WDR93: variants seen among roughly 807,000 people sequenced by gnomAD.
WDR93 encodes the protein WD repeat-containing protein 93.
A neutral mutation model predicts 82.9 loss-of-function variants in WDR93; 73 were observed. The ratio of observed to expected loss-of-function variants is 0.88; its 90% CI spans 0.73 to 1.07. The LOEUF (loss-of-function observed/expected upper bound fraction) is 1.07, where lower values mean the gene tolerates loss of function less well. Ranked by LOEUF, WDR93 falls within the 50% of genes least tolerant of loss-of-function variation. The probability of loss-of-function intolerance (pLI) is 0.00; values close to 1 mark genes in which losing one functional copy is unlikely to be tolerated. For synonymous variants in WDR93, 283 were observed against 300.1 expected, an observed-to-expected ratio of 0.94 and a Z score of 0.59; for missense variants, 738 against 826.0, an observed-to-expected ratio of 0.89 and a Z score of 1.31.
At chr15:89,709,240 T>G (rs1330884418) in intron 4 of WDR93, among the ~76,000 whole-genome samples, 1 of 152,190 alleles carries the variant, frequency 6.6e-6, no homozygotes, top group East Asian at 1.9e-4. Context: ...CAGAAAATCC[T>G]AAACCCCACT....
rs749834493 is a variant in WDR93 at position 89,735,549 on chromosome 15, G to A, written c.1604G>A (p.Gly535Asp). ...CAVAPVPALP[G>D]MVLIFSKNGS... ...GTGGCCCCAGTCCCAGCCTTACCTGGCATGGTAGGTTCCCCATGCCTCTCT... is the reference window on the plus strand; with the variant it reads ...GTGGCCCCAGTCCCAGCCTTACCTGACATGGTAGGTTCCCCATGCCTCTCT... The change falls in exon 14 of 17, where the codon GGC becomes GAC. Residue 535 changes from glycine (G) to aspartate (D), a missense_variant. Coordinates refer to ENST00000268130, the MANE Select transcript of WDR93 (RefSeq NM_020212.2). 2 of 1,613,926 alleles carry A rather than the reference G, an allele frequency of 1.2e-6. No individual in the cohort carries two copies. The highest frequency in any genetic ancestry group is 2.7e-5 in the African/African-American group (2 of 74,910).
At chr15:89,708,374 C>T (rs755375463) in intron 4 of WDR93, among the ~76,000 whole-genome samples, 9 of 152,120 alleles carry the variant, frequency 5.9e-5, no homozygotes, top group Admixed American at 5.9e-4. Context: ...CCCTGAACAG[C>T]CCCACCTCCA....
chr15:89,690,511 A>T, upstream of WDR93: 1 of 1,215,946 alleles, frequency 8.2e-7, no homozygotes, highest in South Asian at 1.3e-5. Flanking sequence ...TCCCGGGTGC[A>T]GGGGAATAGG....
chr15:89,729,785 G>T lies in WDR93; in HGVS notation c.1210+16G>T. ...GATAAAGCTGGTACTTTACTGCTGA[G>T]ATGGGAGTCGCCTAAGCTCAGGACT... On this transcript the variant is annotated intron_variant, in intron 11 of 16. Transcript: ENST00000268130. 3.1e-6 allele frequency: 5 copies of T among 1,605,938 alleles called. No individual in the cohort carries two copies. In the South Asian group the frequency reaches 5.5e-5, roughly 18 times the overall value.
intron 1 of WDR93, among the ~76,000 whole-genome samples, chr15:89,700,522 A>C (rs955509455): frequency 1.3e-5 from 2 of 150,690 alleles, no homozygotes. Flanking sequence ...AAACTGTAAC[A>C]TATGAAAGCC....
At position 89,738,249 on chromosome 15, in the gene WDR93, G is replaced by A. The variant is rs761215363; in HGVS notation, c.1961+13G>A. On this transcript the variant is annotated intron_variant, in intron 16 of 16. Transcript: ENST00000268130. ...TCCTCCAGAAGAGGTAAAGAGCTCT[G>A]TGTCTTCACCCCCTCCCACATCTGA... 19 of 1,585,312 alleles carry A rather than the reference G, an allele frequency of 1.2e-5. No homozygotes were observed. Among genetic ancestry groups the A allele is most frequent in the Non-Finnish European group, 1.6e-5 (19 of 1,165,866 alleles).
intron 1 of WDR93, among the ~76,000 whole-genome samples, chr15:89,700,203 C>T (rs574011503): frequency 7.9e-5 from 12 of 152,114 alleles, no homozygotes; most frequent in Non-Finnish European, 1.8e-4. Context: ...CTACATAATC[C>T]CTGTGAATTA....
At chr15:89,700,435 A>G (rs2141592438) in intron 1 of WDR93, among the ~76,000 whole-genome samples, 1 of 152,290 alleles carries the variant, frequency 6.6e-6, no homozygotes, top group South Asian at 2.1e-4. Context: ...AGGCACTCAC[A>G]CAGTCCAAGA....
chr15:89,715,293 G>A (rs1966197781), intron 6 of WDR93, among the ~76,000 whole-genome samples, 198 bp downstream of exon 6: 1 of 152,096 alleles, frequency 6.6e-6, no homozygotes, highest in Non-Finnish European at 1.5e-5. Flanking sequence ...TTCAGTAGTG[G>A]GAATCGCAGT....
intron 15 of WDR93, 41 bp downstream of exon 15, chr15:89,737,770 C>T: frequency 2.5e-6 from 4 of 1,611,718 alleles, no homozygotes; most frequent in Non-Finnish European, 3.4e-6. Flanking sequence ...TGACCATTTC[C>T]CTGACTTAGT....
chr15:89,716,069 G>C (rs1044206679), intron 6 of WDR93, among the ~76,000 whole-genome samples: 3 of 152,238 alleles, frequency 2.0e-5, no homozygotes, highest in South Asian at 2.1e-4. Context: ...TAATATAGGA[G>C]ACCAAGATTG....
intron 5 of WDR93, among the ~76,000 whole-genome samples, chr15:89,713,125 A>T (rs1192226936): frequency 9.0e-6 from 1 of 110,792 alleles, no homozygotes; most frequent in African/African-American, 4.7e-5. Context: ...ACTCCATCTT[A>T]AAAAAAAAAA....
At chr15:89,742,675 A>G (rs1416947596) in intron 16 of WDR93, among the ~76,000 whole-genome samples, 1 of 152,092 alleles carries the variant, frequency 6.6e-6, no homozygotes, top group African/African-American at 2.4e-5. Flanking sequence ...CTGGCATTAC[A>G]GGCACGTGCC....
intron 4 of WDR93, among the ~76,000 whole-genome samples, chr15:89,706,067 T>C (rs1418280228): frequency 6.6e-6 from 1 of 152,158 alleles, no homozygotes; most frequent in Admixed American, 6.6e-5. Context: ...CTTTCCCTTA[T>C]ATACCCAAGA....
intron 5 of WDR93, among the ~76,000 whole-genome samples, chr15:89,713,824 T>C (rs552801372): frequency 1.6e-4 from 25 of 152,294 alleles, no homozygotes; most frequent in African/African-American, 5.3e-4. Context: ...TTGTGCACCA[T>C]CTGTATTGGT....
intron 1 of WDR93, among the ~76,000 whole-genome samples, chr15:89,699,309 G>GT (rs1317135002): frequency 6.6e-6 from 1 of 152,072 alleles, no homozygotes; most frequent in Non-Finnish European, 1.5e-5. Flanking sequence ...AGAGTGACAA[G>GT]TTTTTTTCTT....
At position 89,727,196 on chromosome 15, in the gene WDR93, T is replaced by G; in HGVS notation, c.920T>G (p.Ile307Ser). The G allele has an allele frequency of 6.2e-7, 1 of 1,614,054 alleles. No homozygotes were observed. Among genetic ancestry groups the G allele is most frequent in the Non-Finnish European group, 8.5e-7 (1 of 1,179,988 alleles). ...AGCCCCCTGGAAGTCTTTGCAAAGA[T>G]CAAGGACTGCTACGGACTGGGCTCC... ...FKSPLEVFAK[I>S]KDCYGLGSGQ... is the part of the protein sequence containing the mutation. Residue 307 changes from isoleucine to serine, a missense_variant, in exon 9 of 17, where the codon ATC (isoleucine) becomes AGC (serine). Transcript: ENST00000268130.
intron 3 of WDR93, chr15:89,703,434 T>A: frequency 2.3e-6 from 1 of 428,554 alleles, no homozygotes; most frequent in East Asian, 4.3e-5. Context: ...TGAGGTAACA[T>A]GGAAAGTCAG....
intron 4 of WDR93, among the ~76,000 whole-genome samples, chr15:89,710,589 T>C (rs1393060392): frequency 6.6e-6 from 1 of 152,002 alleles, no homozygotes; most frequent in Non-Finnish European, 1.5e-5. Flanking sequence ...ATTTTATCTT[T>C]AAATAAACTC....
Sources: allele counts gnomAD v4.1 joint callset (sites outside exome capture counted in the v4.1 genomes callset), GRCh38; gene constraint gnomAD v4.1.1; transcripts MANE v1.5; gene names NCBI Gene and HGNC (gene_info 2026-07-23, HGNC 2026-07-21).